KCTD5: variants seen among roughly 807,000 people sequenced by gnomAD.
KCTD5 encodes the protein potassium channel tetramerization domain containing 5, also known as BTB/POZ domain-containing protein KCTD5.
Under a neutral mutation model 27.9 loss-of-function variants are expected in KCTD5, and 12 were observed. That is an observed-to-expected ratio of 0.43 (90% CI 0.28 to 0.70). The LOEUF (loss-of-function observed/expected upper bound fraction) is 0.70, where lower values mean the gene tolerates loss of function less well. KCTD5 is among the 30% of genes least tolerant of loss of function. The pLI, the probability that KCTD5 is intolerant of heterozygous loss-of-function variation, is 0.19. For synonymous variants in KCTD5, 147 were observed against 121.4 expected, an observed-to-expected ratio of 1.21 and a Z score of -1.39; for missense variants, 226 against 274.8, an observed-to-expected ratio of 0.82 and a Z score of 1.26.
intron 5 of KCTD5, 88 bp downstream of exon 5, chr16:2,702,566 C>G (rs1596225655): frequency 6.6e-7 from 1 of 1,516,974 alleles, no homozygotes; most frequent in East Asian, 2.4e-5. Context: ...CTGCCATTCT[C>G]ATCAAGCTCC....
At chr16:2,685,947 C>T (rs1464916936) in intron 1 of KCTD5, 1 of 152,088 alleles carries the variant, frequency 6.6e-6, no homozygotes, top group Non-Finnish European at 1.5e-5. Context: ...TCCCAAGAAA[C>T]CACAGAAGCT....
chr16:2,697,935 A>G lies in KCTD5; in HGVS notation c.391A>G (p.Ile131Val). 6.2e-7 allele frequency: 1 copy of G among 1,611,296 alleles called. No homozygotes were observed. ...GVLEEAEFYN[I>V]TSLIKLVKDK... ...GTTGGAGGAAGCAGAATTTTACAAT[A>G]TCACCTCATTAATAAAACTTGTAAA... Residue 131 changes from isoleucine (I) to valine (V), a missense_variant, in exon 3 of 6, where the codon ATC (isoleucine) becomes GTC (valine). Transcript: ENST00000301738.
Position 2,707,465 on chromosome 16 carries a change from T to A in KCTD5, c.*138T>A, listed in dbSNP as rs1306890915. ...AGAGATCTGGGTGTGAATCCTTTTT[T>A]GCCTCTGAGGTGGGTGGTGAGAGAC... On this transcript the variant is annotated 3_prime_UTR_variant, in exon 6 of 6. Transcript: ENST00000301738. 1 of 935,296 alleles carries A rather than the reference T, an allele frequency of 1.1e-6. No individual in the cohort carries two copies. Among genetic ancestry groups the A allele is most frequent in the Admixed American group, 1.9e-5 (1 of 52,328 alleles). The allele number at this position is 935,296 out of a possible 1,614,324, so 57.9% of individuals were successfully genotyped here. A position where few individuals can be genotyped will look rare whatever the true frequency, so the allele number is the denominator to read the frequency against.
chr16:2,704,701 G>A (rs1014653904), intron 5 of KCTD5, among the ~76,000 whole-genome samples: 1 of 152,186 alleles, frequency 6.6e-6, no homozygotes, highest in Non-Finnish European at 1.5e-5. Context: ...AGCCATGCTC[G>A]ATGGGTGCAT....
At chr16:2,700,322 C>T (rs1294811080) in intron 4 of KCTD5, among the ~76,000 whole-genome samples, 8 of 152,262 alleles carry the variant, frequency 5.3e-5, no homozygotes, top group Admixed American at 5.2e-4. Context: ...CTTTCCCAGG[C>T]TGCCTCCCCT....
chr16:2,693,343 G>A (rs544106881), intron 1 of KCTD5, among the ~76,000 whole-genome samples: 22 of 152,358 alleles, frequency 1.4e-4, no homozygotes, highest in African/African-American at 5.3e-4. Flanking sequence ...TGGCATCACC[G>A]CACTGGGCCA....
intron 2 of KCTD5, among the ~76,000 whole-genome samples, chr16:2,697,457 G>A (rs2067591352): frequency 2.0e-5 from 3 of 152,238 alleles, no homozygotes; most frequent in Admixed American, 6.5e-5. Flanking sequence ...GCAGGCCTGA[G>A]CCCCACACAG....
chr16:2,692,936 T>C (rs2067572982), intron 1 of KCTD5, among the ~76,000 whole-genome samples: 1 of 152,246 alleles, frequency 6.6e-6, no homozygotes, highest in Non-Finnish European at 1.5e-5. Context: ...TTTGGGCAGC[T>C]GCAGTTGTGG....
intron 1 of KCTD5, among the ~76,000 whole-genome samples, chr16:2,688,133 C>T (rs1348282368): frequency 6.6e-6 from 1 of 151,610 alleles, no homozygotes; most frequent in Non-Finnish European, 1.5e-5. Flanking sequence ...CGCCCCGTAC[C>T]TGGTGCCAGG....
chr16:2,699,625 C>T (rs1212871107), intron 3 of KCTD5, among the ~76,000 whole-genome samples, 196 bp from the exon 4 acceptor site: 2 of 152,144 alleles, frequency 1.3e-5, no homozygotes, highest in East Asian at 1.9e-4. Context: ...TGGAGGCGAA[C>T]GAGGAAGCAG....
intron 3 of KCTD5, among the ~76,000 whole-genome samples, 181 bp from the exon 4 acceptor site, chr16:2,699,640 C>T (rs907453997): frequency 6.6e-6 from 1 of 152,182 alleles, no homozygotes; most frequent in African/African-American, 2.4e-5. Context: ...AAGCAGAAAA[C>T]AGCAGCTGTT....
At chr16:2,698,297 G>A (rs144849046) in intron 3 of KCTD5, among the ~76,000 whole-genome samples, 2 of 152,330 alleles carry the variant, frequency 1.3e-5, no homozygotes, top group Non-Finnish European at 1.5e-5. Context: ...CATGAGGGCC[G>A]GTCGGGGAGA....
In KCTD5 at chr16:2,707,708, G is replaced by A. The variant is rs1168620092; in HGVS notation, c.*381G>A. Reference sequence around the variant, plus strand: ...AAAGCAGCCTGGGCTTCACTGGCAGGAAGCGGCCGCAGCCGCGTCAGTGTC... The same window carrying A: ...AAAGCAGCCTGGGCTTCACTGGCAGAAAGCGGCCGCAGCCGCGTCAGTGTC... On this transcript the variant is annotated 3_prime_UTR_variant, in exon 6 of 6. Coordinates refer to ENST00000301738, the MANE Select transcript of KCTD5 (RefSeq NM_018992.4). 2.0e-6 allele frequency: 1 copy of A among 508,658 alleles called. No homozygotes were observed. The highest frequency in any genetic ancestry group is 1.9e-5 in the African/African-American group (1 of 51,900). The allele number at this position is 508,658 out of a possible 1,614,324, so 31.5% of individuals were successfully genotyped here.
intron 1 of KCTD5, among the ~76,000 whole-genome samples, chr16:2,689,918 C>T (rs188121195): frequency 1.1e-3 from 169 of 152,316 alleles, no homozygotes; most frequent in Non-Finnish European, 2.2e-3. Context: ...TCAGGTAATC[C>T]GCCTGCCTTG....
chr16:2,682,699 G>T lies in KCTD5; in HGVS notation c.151G>T (p.Gly51Cys). 6.2e-7 allele frequency: 1 copy of T among 1,609,662 alleles called. No individual in the cohort carries two copies. Among genetic ancestry groups the T allele is most frequent in the South Asian group, 1.1e-5 (1 of 90,474 alleles). ...SVSKWVRLNV[G>C]GTYFLTTRQT... ...GTCCAAGTGGGTCCGACTCAACGTCGGCGGCACCTACTTCCTCACCACTCG... is the reference window on the plus strand; with the variant it reads ...GTCCAAGTGGGTCCGACTCAACGTCTGCGGCACCTACTTCCTCACCACTCG... The change falls in exon 1 of 6, where the codon GGC becomes TGC. Residue 51 changes from glycine to cysteine, a missense_variant. By Grantham distance (159) the Gly-to-Cys change is radical. Around this residue, in one of 2 missense-constraint regions of KCTD5, gnomAD observed 135 missense variants for 207.0 expected, o/e 0.65. Coordinates refer to ENST00000301738, the MANE Select transcript of KCTD5 (RefSeq NM_018992.4).
At chr16:2,701,500 A>G (rs1337682706) in intron 4 of KCTD5, among the ~76,000 whole-genome samples, 1 of 152,198 alleles carries the variant, frequency 6.6e-6, no homozygotes, top group Non-Finnish European at 1.5e-5. Flanking sequence ...GGGTACCCTT[A>G]GCTGCTTGGG....
chr16:2,683,233 G>C (rs1199908157), intron 1 of KCTD5: 1 of 156,958 alleles, frequency 6.4e-6, no homozygotes, highest in Non-Finnish European at 1.4e-5. Context: ...TCACATTCTG[G>C]ACGTTTGAAT....
chr16:2,690,242 G>A (rs1567193485), intron 1 of KCTD5, among the ~76,000 whole-genome samples: 2 of 152,230 alleles, frequency 1.3e-5, no homozygotes, highest in African/African-American at 2.4e-5. Flanking sequence ...GTCTTCCTCC[G>A]TCTGCCAGGG....
intron 1 of KCTD5, among the ~76,000 whole-genome samples, chr16:2,693,260 G>A (rs916195275): frequency 3.3e-5 from 5 of 152,184 alleles, no homozygotes; most frequent in African/African-American, 7.2e-5. Context: ...GGGTCTGTTC[G>A]CCTCCTCCCT....
Sources: allele counts gnomAD v4.1 joint callset (sites outside exome capture counted in the v4.1 genomes callset), GRCh38; gene constraint gnomAD v4.1.1; regional missense constraint gnomAD v4.1.1; transcripts MANE v1.5; gene names NCBI Gene and HGNC (gene_info 2026-07-23, HGNC 2026-07-21).